Variants in AP3S2 observed in about 807,000 individuals in gnomAD.
AP3S2 encodes the protein adaptor related protein complex 3 subunit sigma 2.
AP3S2 carries 22 observed loss-of-function variants against 23.4 expected under a neutral mutation model. The ratio of observed to expected loss-of-function variants is 0.94; its 90% CI spans 0.67 to 1.34. The LOEUF (loss-of-function observed/expected upper bound fraction) is 1.34. Ranked by LOEUF, AP3S2 falls within the 40% of genes most tolerant of loss-of-function variation. AP3S2 has a pLI of 0.00. For missense variants in AP3S2, 241 were observed against 236.9 expected, an observed-to-expected ratio of 1.02 and a Z score of -0.11; for synonymous variants, 86 against 87.1, an observed-to-expected ratio of 0.99 and a Z score of 0.07.
At chr15:89,872,242 A>G (rs1307192954) in intron 3 of AP3S2, among the ~76,000 whole-genome samples, 2 of 152,212 alleles carry the variant, frequency 1.3e-5, no homozygotes, top group Non-Finnish European at 2.9e-5. Flanking sequence ...TTACAGGGTT[A>G]ACATAGCTGT....
intron 3 of AP3S2, among the ~76,000 whole-genome samples, chr15:89,875,452 C>G (rs951764310): frequency 3.3e-5 from 5 of 152,028 alleles, no homozygotes; most frequent in African/African-American, 1.2e-4. Context: ...AGAAAGAAAA[C>G]GAAGGACGAA....
At chr15:89,870,118 A>G (rs1896283854) in intron 4 of AP3S2, among the ~76,000 whole-genome samples, 1 of 152,210 alleles carries the variant, frequency 6.6e-6, no homozygotes. Flanking sequence ...TATATTTTCA[A>G]GTCTCTTTAA....
intron 3 of AP3S2, among the ~76,000 whole-genome samples, chr15:89,887,000 T>C (rs1427659616): frequency 6.6e-6 from 1 of 152,208 alleles, no homozygotes; most frequent in African/African-American, 2.4e-5. Context: ...TTTACCATGC[T>C]GACCACGTTG....
chr15:89,873,313 C>T (rs1222104407), intron 3 of AP3S2, among the ~76,000 whole-genome samples: 1 of 145,758 alleles, frequency 6.9e-6, no homozygotes, highest in African/African-American at 2.5e-5. Context: ...GAGACAGACT[C>T]TCGCTCTGTT....
chr15:89,851,465 A>G (rs965355069), intron 4 of AP3S2, among the ~76,000 whole-genome samples: 9 of 152,022 alleles, frequency 5.9e-5, no homozygotes, highest in Admixed American at 5.9e-4. Context: ...CAGCCTCCTG[A>G]GTAACTATGA....
At chr15:89,842,795 T>C (rs1230450194) in intron 4 of AP3S2, among the ~76,000 whole-genome samples, 1 of 152,040 alleles carries the variant, frequency 6.6e-6, no homozygotes, top group Non-Finnish European at 1.5e-5. Flanking sequence ...GTATTTTTAG[T>C]AGAGACGGGG....
In AP3S2 at chr15:89,831,590, A is replaced by G. The variant is rs1260007341; in HGVS notation, c.*3925T>C. ...GAAAGCCCTTACTAGAGACTGGTCC[A>G]CAAGATCAGATTTAGCTGCCCCTGG... On this transcript the variant is annotated 3_prime_UTR_variant, in exon 6 of 6. Coordinates refer to ENST00000336418, the MANE Select transcript of AP3S2 (RefSeq NM_005829.5). 2 of 152,318 alleles carry G rather than the reference A, an allele frequency of 1.3e-5. No individual in the cohort carries two copies. The highest frequency in any genetic ancestry group is 2.9e-5 in the Non-Finnish European group (2 of 68,092). The allele number at this position is 152,318 out of a possible 1,614,324, so 9.4% of individuals were successfully genotyped here.
intron 3 of AP3S2, among the ~76,000 whole-genome samples, chr15:89,879,049 C>G (rs1044297719): frequency 1.3e-5 from 2 of 152,158 alleles, no homozygotes; most frequent in African/African-American, 4.8e-5. Flanking sequence ...CCCAGCCAGG[C>G]TAATTTTTTC....
intron 4 of AP3S2, among the ~76,000 whole-genome samples, chr15:89,868,139 C>A (rs1896196418): frequency 1.0e-5 from 1 of 96,072 alleles, no homozygotes; most frequent in African/African-American, 3.7e-5. Flanking sequence ...CCCCACCCGG[C>A]CAGCCGCCCC....
intron 4 of AP3S2, among the ~76,000 whole-genome samples, chr15:89,870,109 A>G (rs1896283649): frequency 6.6e-6 from 1 of 152,120 alleles, no homozygotes; most frequent in African/African-American, 2.4e-5. Flanking sequence ...CATTCCCCCT[A>G]TATTTTCAAG....
intron 4 of AP3S2, among the ~76,000 whole-genome samples, chr15:89,840,290 C>A (rs910415509): frequency 2.0e-5 from 3 of 152,122 alleles, no homozygotes; most frequent in African/African-American, 7.2e-5. Context: ...GTATTTATTC[C>A]TTTTATTTAG....
intron 4 of AP3S2, chr15:89,837,932 C>T (rs866184390): frequency 2.2e-5 from 11 of 503,820 alleles, no homozygotes; most frequent in African/African-American, 1.2e-4. Flanking sequence ...CCCTCAGCAG[C>T]GAGGTGGTAG....
At chr15:89,872,192 T>C (rs1004070837) in intron 3 of AP3S2, among the ~76,000 whole-genome samples, 3 of 151,988 alleles carry the variant, frequency 2.0e-5, no homozygotes, top group African/African-American at 7.2e-5. Flanking sequence ...CTTACAATAC[T>C]ATGTCCTCAA....
intron 3 of AP3S2, among the ~76,000 whole-genome samples, chr15:89,880,338 G>GA (rs753857390): frequency 6.6e-6 from 1 of 152,064 alleles, no homozygotes; most frequent in Non-Finnish European, 1.5e-5. Flanking sequence ...AGAACGTACT[G>GA]AAAAACAACT....
At position 89,831,025 on chromosome 15, in the gene AP3S2, C is replaced by A. The variant is rs2028299; in HGVS notation, c.*4490G>T. The stretch of plus-strand genomic sequence containing the variant: ...GGGGTGGGGCTCAGCGTTTGGGGAA[C>A]CGGAGTGGGAGTCTTTTGCTGAACA... On this transcript the variant is annotated 3_prime_UTR_variant, in exon 6 of 6. Coordinates refer to ENST00000336418, the MANE Select transcript of AP3S2 (RefSeq NM_005829.5). 110,671 of 153,066 alleles carry A rather than the reference C, an allele frequency of 0.72. 40,159 individuals are homozygous for A. The highest frequency in any genetic ancestry group is 0.8 in the East Asian group (4,214 of 5,290). The allele number at this position is 153,066 out of a possible 1,614,324, so 9.5% of individuals were successfully genotyped here.
chr15:89,837,182 G>C (rs931297116), intron 5 of AP3S2, among the ~76,000 whole-genome samples: 2 of 152,152 alleles, frequency 1.3e-5, no homozygotes, highest in African/African-American at 4.8e-5. Context: ...TGGCAACTCT[G>C]AGGTCTGAAA....
intron 3 of AP3S2, among the ~76,000 whole-genome samples, chr15:89,874,322 A>C (rs1596213213): frequency 6.6e-6 from 1 of 152,066 alleles, no homozygotes; most frequent in African/African-American, 2.4e-5. Context: ...TTTCTTGCCC[A>C]CCTCCATGGT....
Position 89,835,526 on chromosome 15 carries a change from G to A in AP3S2, c.571C>T (p.Gln191Ter). The A allele has an allele frequency of 6.2e-7, 1 of 1,613,890 alleles. No individual in the cohort carries two copies. Among genetic ancestry groups the A allele is most frequent in the South Asian group, 1.1e-5 (1 of 91,060 alleles). The part of the protein sequence containing the change: ...DLNIKVPNLS[Q>*]FV Reference sequence around the variant, plus strand: ...CCAATACTTGATCCTCAGACAAACTGGGACAGGTTGGGAACTTTGATGTTG... The same window carrying A: ...CCAATACTTGATCCTCAGACAAACTAGGACAGGTTGGGAACTTTGATGTTG... The change falls in exon 6 of 6, where the codon CAG becomes TAG. Residue 191 changes from glutamine to a stop codon, truncating the protein, a stop_gained. Coordinates refer to ENST00000336418, the MANE Select transcript of AP3S2 (RefSeq NM_005829.5). LOFTEE classifies it high-confidence loss of function.
At chr15:89,850,720 T>C (rs1895629374) in intron 4 of AP3S2, 1 of 151,990 alleles carries the variant, frequency 6.6e-6, no homozygotes, top group South Asian at 2.1e-4. Flanking sequence ...TTTTTTTCTT[T>C]TTTTTTTTTG....
Sources: allele counts gnomAD v4.1 joint callset (sites outside exome capture counted in the v4.1 genomes callset), GRCh38; gene constraint gnomAD v4.1.1; transcripts MANE v1.5; gene names NCBI Gene and HGNC (gene_info 2026-07-23, HGNC 2026-07-21).